Variants in CSNK1G3 observed in about 807,000 individuals in gnomAD.
CSNK1G3 encodes casein kinase I isoform gamma-3.
Under a neutral mutation model 64.3 loss-of-function variants are expected in CSNK1G3, and 23 were observed. The ratio of observed to expected loss-of-function variants is 0.36; its 90% confidence interval spans 0.26 to 0.51. The LOEUF is 0.51. Ranked by LOEUF, CSNK1G3 falls within the 20% of genes least tolerant of loss-of-function variation. CSNK1G3 has a pLI of 0.96. For synonymous variants in CSNK1G3, 158 were observed against 162.2 expected, an observed-to-expected ratio of 0.97 and a Z score of 0.20; for missense variants, 357 against 510.5, an observed-to-expected ratio of 0.70 and a Z score of 2.90.
At chr5:123,517,190 G>A (rs1473482613) in intron 1 of CSNK1G3, among the ~76,000 whole-genome samples, 1 of 152,156 alleles carries the variant, frequency 6.6e-6, no homozygotes, top group Non-Finnish European at 1.5e-5. Flanking sequence ...TAACCCACTC[G>A]TGAGATTAAA....
exon 13 of CSNK1G3, chr5:123,614,729 C>CT (rs1330259022): frequency 5.1e-6 from 1 of 197,160 alleles, no homozygotes; most frequent in African/African-American, 2.3e-5. Flanking sequence ...AGTACAGTAT[C>CT]TTAAGTGTCA....
At chr5:123,582,289 A>G (rs1790448081) in intron 6 of CSNK1G3, among the ~76,000 whole-genome samples, 1 of 152,128 alleles carries the variant, frequency 6.6e-6, no homozygotes, top group African/African-American at 2.4e-5. Context: ...AAGTGATGAA[A>G]TGCTTTCCAA....
intron 10 of CSNK1G3, among the ~76,000 whole-genome samples, chr5:123,602,357 TAA>T (rs1794650176): frequency 6.6e-6 from 1 of 152,212 alleles, no homozygotes; most frequent in South Asian, 2.1e-4. Flanking sequence ...TTCTCTACAC[TAA>T]AGTGTCAGAT....
In CSNK1G3 at chr5:123,512,916, G is replaced by T. The variant is rs938474459; in HGVS notation, c.-248+346G>T. Among the ~76,000 whole-genome samples the T allele has an allele frequency of 2.0e-5, 3 of 152,096 alleles. No homozygotes were observed. In the South Asian group the frequency reaches 6.2e-4, roughly 31 times the overall value. On this transcript the variant is annotated intron_variant, in intron 1 of 12. Coordinates refer to ENST00000345990, the Ensembl canonical transcript of CSNK1G3. ...GGAGGTGGGCCAACTGGGCCGGCGG[G>T]GGCTTCCTTAGGAGAGATTGGGAGG...
At chr5:123,574,143 C>T (rs1034574438) in intron 5 of CSNK1G3, among the ~76,000 whole-genome samples, 9 of 152,228 alleles carry the variant, frequency 5.9e-5, no homozygotes, top group Non-Finnish European at 8.8e-5. Flanking sequence ...GCCACCGTGC[C>T]GGGCCAGAAA....
At chr5:123,599,999 GC>G (rs1304960426) in intron 10 of CSNK1G3, among the ~76,000 whole-genome samples, 2 of 151,974 alleles carry the variant, frequency 1.3e-5, no homozygotes, top group Admixed American at 1.3e-4. Flanking sequence ...CACTATCTGT[GC>G]TTTAGGGTCA....
At chr5:123,516,118 A>G (rs1389130676) in intron 1 of CSNK1G3, among the ~76,000 whole-genome samples, 1 of 151,970 alleles carries the variant, frequency 6.6e-6, no homozygotes, top group African/African-American at 2.4e-5. Context: ...AATTGATAGT[A>G]TGTGTCTGAG....
intron 12 of CSNK1G3, 135 bp from the exon 14 acceptor site, chr5:123,614,207 T>C: frequency 1.5e-6 from 1 of 678,344 alleles, no homozygotes; most frequent in South Asian, 2.1e-5. Flanking sequence ...CTAATACGTA[T>C]GCTTCATTGG....
chr5:123,520,725 T>C (rs1287488328), intron 1 of CSNK1G3, among the ~76,000 whole-genome samples: 3 of 152,078 alleles, frequency 2.0e-5, no homozygotes, highest in Admixed American at 1.3e-4. Context: ...ATTAGTGGAC[T>C]TCTGAATATT....
chr5:123,578,762 T>C (rs1196979128), intron 6 of CSNK1G3, among the ~76,000 whole-genome samples: 1 of 151,982 alleles, frequency 6.6e-6, no homozygotes, highest in African/African-American at 2.4e-5. Flanking sequence ...CTTTTATATC[T>C]GTGCTCCATC....
At chr5:123,603,132 T>A (rs1330132249) in intron 10 of CSNK1G3, among the ~76,000 whole-genome samples, 4 of 152,136 alleles carry the variant, frequency 2.6e-5, no homozygotes, top group Non-Finnish European at 4.4e-5. Flanking sequence ...GTGTCCTGAA[T>A]ACATTTTCTA....
intron 1 of CSNK1G3, among the ~76,000 whole-genome samples, chr5:123,539,895 A>C (rs1781415589): frequency 6.6e-6 from 1 of 152,074 alleles, no homozygotes. Context: ...GGATTTGTCC[A>C]TTTCATCTGT....
intron 6 of CSNK1G3, among the ~76,000 whole-genome samples, chr5:123,585,755 A>T (rs1317680123): frequency 6.6e-6 from 1 of 152,244 alleles, no homozygotes; most frequent in Non-Finnish European, 1.5e-5. Context: ...ATTACTGCTT[A>T]TACTTCATAG....
At chr5:123,530,458 A>C (rs1281858022) in intron 1 of CSNK1G3, among the ~76,000 whole-genome samples, 2 of 152,194 alleles carry the variant, frequency 1.3e-5, no homozygotes, top group Middle Eastern at 3.2e-3. Context: ...CTTTTTGATT[A>C]CTGACCCAAT....
intron 1 of CSNK1G3, among the ~76,000 whole-genome samples, chr5:123,544,458 A>G (rs963483804): frequency 6.6e-6 from 1 of 152,216 alleles, no homozygotes; most frequent in Non-Finnish European, 1.5e-5. Flanking sequence ...GCATTATATA[A>G]TTAGAAAATT....
chr5:123,519,546 C>G (rs1777738630), intron 1 of CSNK1G3, among the ~76,000 whole-genome samples: 1 of 151,968 alleles, frequency 6.6e-6, no homozygotes, highest in Admixed American at 6.6e-5. Context: ...GCTTTCCTTC[C>G]TCACCATGAA....
intron 4 of CSNK1G3, among the ~76,000 whole-genome samples, chr5:123,565,436 GAT>G (rs1434148375): frequency 6.6e-6 from 1 of 152,202 alleles, no homozygotes; most frequent in Non-Finnish European, 1.5e-5. Flanking sequence ...CTAAAAAAAA[GAT>G]AGGGTGATAC....
intron 4 of CSNK1G3, among the ~76,000 whole-genome samples, chr5:123,561,699 TA>T (rs1226502110): frequency 6.6e-6 from 1 of 152,206 alleles, no homozygotes; most frequent in African/African-American, 2.4e-5. Flanking sequence ...TGTATATGAA[TA>T]TCCCTACTGA....
At chr5:123,551,884 T>C (rs1209940198) in intron 2 of CSNK1G3, among the ~76,000 whole-genome samples, 1 of 152,182 alleles carries the variant, frequency 6.6e-6, no homozygotes, top group Non-Finnish European at 1.5e-5. Context: ...AGAAATCATA[T>C]TGTACAGTTT....
Sources: allele counts gnomAD v4.1 joint callset (sites outside exome capture counted in the v4.1 genomes callset), GRCh38; gene constraint gnomAD v4.1.1; transcripts MANE v1.5; gene names NCBI Gene and HGNC (gene_info 2026-07-23, HGNC 2026-07-21).